Variants in MEI4 observed in about 807,000 individuals in gnomAD.
MEI4 encodes the protein meiotic double-stranded break formation protein 4.
A neutral mutation model predicts 31.4 loss-of-function variants in MEI4; 27 were observed. That is an observed-to-expected ratio of 0.86 (90% CI 0.63 to 1.19). MEI4 has a LOEUF of 1.19. Ranked by LOEUF, MEI4 falls within the 50% of genes most tolerant of loss-of-function variation. The probability of loss-of-function intolerance (pLI) is 0.00; values close to 1 mark genes in which losing one functional copy is unlikely to be tolerated. For missense variants in MEI4, 329 were observed against 398.9 expected (o/e 0.82, Z 1.49); for synonymous variants, 122 against 145.4 (o/e 0.84, Z 1.16).
At chr6:77,803,375 A>G (rs754600384) in intron 3 of MEI4, among the ~76,000 whole-genome samples, 37 of 151,974 alleles carry the variant, frequency 2.4e-4, no homozygotes, top group Non-Finnish European at 5.0e-4. Context: ...TCATTGGTCT[A>G]ATTTTTTTTC....
intron 3 of MEI4, among the ~76,000 whole-genome samples, chr6:77,762,940 C>CT (rs367767555): frequency 7.9e-5 from 12 of 152,144 alleles, no homozygotes; most frequent in African/African-American, 2.9e-4. Context: ...TTTTAAACTT[C>CT]TTTTTATACT....
At chr6:77,919,167 C>T (rs1436317649) in intron 4 of MEI4, among the ~76,000 whole-genome samples, 9 of 151,974 alleles carry the variant, frequency 5.9e-5, no homozygotes, top group Admixed American at 4.6e-4. Context: ...ATCTACAGAA[C>T]TCTCCACCCC....
intron 3 of MEI4, among the ~76,000 whole-genome samples, chr6:77,786,968 A>G (rs1178010543): frequency 6.6e-6 from 1 of 152,218 alleles, no homozygotes; most frequent in Admixed American, 6.5e-5. Flanking sequence ...GCTGGGAGAC[A>G]TGCCTATCTG....
intron 4 of MEI4, among the ~76,000 whole-genome samples, chr6:77,908,394 A>G (rs1198404250): frequency 3.9e-5 from 6 of 152,154 alleles, no homozygotes; most frequent in Admixed American, 3.3e-4. Context: ...AGCACCATTT[A>G]TTAAATAGGG....
intron 4 of MEI4, among the ~76,000 whole-genome samples, chr6:77,895,486 T>C (rs1309625144): frequency 6.6e-6 from 1 of 152,150 alleles, no homozygotes; most frequent in Non-Finnish European, 1.5e-5. Flanking sequence ...TGAAGAATGC[T>C]GCCATACTCT....
chr6:77,660,431 C>T (rs1238005152), intron 1 of MEI4, among the ~76,000 whole-genome samples: 2 of 152,044 alleles, frequency 1.3e-5, no homozygotes, highest in Non-Finnish European at 2.9e-5. Flanking sequence ...GAGATATCAG[C>T]TGTGATGGCT....
chr6:77,912,742 T>C (rs1204271582), intron 4 of MEI4, among the ~76,000 whole-genome samples: 1 of 152,120 alleles, frequency 6.6e-6, no homozygotes, highest in Non-Finnish European at 1.5e-5. Context: ...AAGATATCAT[T>C]TGCCTAAAGG....
chr6:77,888,855 C>T (rs1771687889), intron 4 of MEI4, among the ~76,000 whole-genome samples: 2 of 152,004 alleles, frequency 1.3e-5, no homozygotes, highest in South Asian at 2.1e-4. Flanking sequence ...GGGCAGTTAC[C>T]CTTATGCTGT....
rs546279456 is a variant in MEI4, at chr6:77,923,668, T to C, written c.*322T>C. 9 of 168,854 alleles carry C rather than the reference T, an allele frequency of 5.3e-5. No individual in the cohort carries two copies. The South Asian group carries it at 1.8e-3, about 34-fold the overall frequency. The allele number at this position is 168,854 out of a possible 1,614,324, so 10.5% of individuals were successfully genotyped here. On this transcript the variant is annotated 3_prime_UTR_variant, in exon 5 of 5. Transcript: ENST00000684080. ...TCTGTCCCTTAAAAGATATTGAAGT[T>C]GTAAAAGATTTCCATATAATTGATG...
At chr6:77,798,289 A>G (rs114706941) in intron 3 of MEI4, among the ~76,000 whole-genome samples, 2,219 of 151,622 alleles carry the variant, frequency 0.015, 56 homozygotes, top group African/African-American at 0.05. Context: ...CGGCAGGTCT[A>G]AATCCTAACG....
At chr6:77,787,714 A>T (rs60126492) in intron 3 of MEI4, among the ~76,000 whole-genome samples, 190 of 152,326 alleles carry the variant, frequency 1.2e-3, no homozygotes, top group African/African-American at 4.5e-3. Context: ...AACCATAAAG[A>T]AATGGAAATC....
At chr6:77,708,429 A>T (rs1766379098) in intron 2 of MEI4, among the ~76,000 whole-genome samples, 1 of 152,208 alleles carries the variant, frequency 6.6e-6, no homozygotes. Context: ...AGGTAGAAGG[A>T]ACTTGTCTTG....
intron 3 of MEI4, among the ~76,000 whole-genome samples, chr6:77,808,310 G>A (rs906414830): frequency 6.6e-6 from 1 of 152,192 alleles, no homozygotes; most frequent in Non-Finnish European, 1.5e-5. Context: ...GAAAAGATCA[G>A]TGGTCAGTAT....
intron 4 of MEI4, among the ~76,000 whole-genome samples, chr6:77,883,745 A>ATATATCTATCTAT (rs55947073): frequency 4.9e-5 from 4 of 82,312 alleles, no homozygotes; most frequent in African/African-American, 2.0e-4. Context: ...TATATATATA[A>ATATATCTATCTAT]CTTTGTCTTT....
intron 3 of MEI4, among the ~76,000 whole-genome samples, chr6:77,792,905 G>T (rs545001077): frequency 3.3e-4 from 50 of 152,072 alleles, no homozygotes; most frequent in African/African-American, 1.2e-3. Context: ...GTAGAGACAG[G>T]GTTTCACCAT....
intron 2 of MEI4, among the ~76,000 whole-genome samples, chr6:77,706,366 G>A (rs1443704566): frequency 6.6e-6 from 1 of 152,070 alleles, no homozygotes; most frequent in Non-Finnish European, 1.5e-5. Context: ...GCCTTGCTGG[G>A]TTTCCCCTCT....
chr6:77,794,493 G>T (rs1463702218), intron 3 of MEI4, among the ~76,000 whole-genome samples: 1 of 152,112 alleles, frequency 6.6e-6, no homozygotes, highest in Non-Finnish European at 1.5e-5. Flanking sequence ...AACTCTGGAG[G>T]CAGAGCTTGC....
At chr6:77,897,327 A>T (rs1011067959) in intron 4 of MEI4, among the ~76,000 whole-genome samples, 6 of 151,974 alleles carry the variant, frequency 3.9e-5, no homozygotes, top group Admixed American at 1.3e-4. Context: ...GACAAATACA[A>T]ATCATCCTTT....
rs200165732 is a variant in MEI4, at chr6:77,906,333, A to T, written c.901-16756A>T. Among the ~76,000 whole-genome samples, 51 of 152,224 alleles carry T rather than the reference A, an allele frequency of 3.4e-4. No individual in the cohort carries two copies. In the East Asian group the frequency reaches 7.5e-3, roughly 23 times the overall value. ...TGCATACTAGTTTTGGTGTTGAAAG[A>T]TCATGCCTTATGGGGTGGGTGTGTA... On this transcript the variant is annotated intron_variant, in intron 4 of 4. Transcript: ENST00000684080.
Sources: allele counts gnomAD v4.1 joint callset (sites outside exome capture counted in the v4.1 genomes callset), GRCh38; gene constraint gnomAD v4.1.1; transcripts MANE v1.5; gene names NCBI Gene and HGNC (gene_info 2026-07-23, HGNC 2026-07-21).